CCSER1: variants seen among roughly 807,000 people sequenced by gnomAD.
The protein encoded by CCSER1 is serine-rich coiled-coil domain-containing protein 1.
In CCSER1, 41 loss-of-function variants were observed where a neutral mutation model predicts 82.0. The observed-to-expected ratio is 0.50, with a 90% CI of 0.39 to 0.65. The LOEUF (loss-of-function observed/expected upper bound fraction) is 0.65. CCSER1 is among the 30% of genes least tolerant of loss of function. The pLI is 0.00. For missense variants in CCSER1, 1,119 were observed against 1,064.2 expected (o/e 1.05, Z -0.72); for synonymous variants, 414 against 383.9 (o/e 1.08, Z -0.92).
chr4:90,480,780 G>A (rs1287892912), intron 5 of CCSER1, among the ~76,000 whole-genome samples: 1 of 152,154 alleles, frequency 6.6e-6, no homozygotes, highest in Non-Finnish European at 1.5e-5. Context: ...GGTTACTGTA[G>A]CCTTGTAGTA....
At chr4:90,566,875 T>A (rs1390383811) in intron 5 of CCSER1, among the ~76,000 whole-genome samples, 1 of 152,008 alleles carries the variant, frequency 6.6e-6, no homozygotes, top group Non-Finnish European at 1.5e-5. Flanking sequence ...GTGCTGGGAT[T>A]ACAGGCATGA....
chr4:90,252,868 T>C (rs976852773), intron 1 of CCSER1, among the ~76,000 whole-genome samples: 1 of 152,144 alleles, frequency 6.6e-6, no homozygotes, highest in East Asian at 1.9e-4. Context: ...GATATTAATA[T>C]AGCCATTTTT....
At chr4:91,158,637 TGTG>T (rs1272810959) in intron 10 of CCSER1, among the ~76,000 whole-genome samples, 2 of 151,858 alleles carry the variant, frequency 1.3e-5, no homozygotes, top group African/African-American at 4.8e-5. Context: ...TGTGTGTGTG[TGTG>T]TGTGTGTCTC....
chr4:91,172,353 T>A (rs1227667915), intron 10 of CCSER1, among the ~76,000 whole-genome samples: 1 of 152,154 alleles, frequency 6.6e-6, no homozygotes, highest in Non-Finnish European at 1.5e-5. Flanking sequence ...CTTCATGGAA[T>A]TTTTCATGTG....
intron 1 of CCSER1, among the ~76,000 whole-genome samples, chr4:90,299,125 C>T (rs77287083): frequency 0.032 from 4,816 of 152,128 alleles, 245 homozygotes; most frequent in African/African-American, 0.1. Flanking sequence ...TTAATCCAAA[C>T]GACTCATCTG....
At chr4:90,471,599 C>T (rs2153590807) in intron 5 of CCSER1, among the ~76,000 whole-genome samples, 1 of 151,400 alleles carries the variant, frequency 6.6e-6, no homozygotes, top group East Asian at 1.9e-4. Context: ...GTTAAATAGC[C>T]ACATCAACTG....
At chr4:90,592,700 C>CT (rs200435096) in intron 5 of CCSER1, among the ~76,000 whole-genome samples, 1,905 of 151,942 alleles carry the variant, frequency 0.013, 41 homozygotes, top group African/African-American at 0.044. Context: ...TATTAGCTTT[C>CT]TTTTTTTTCA....
chr4:91,365,759 T>C (rs1749569997), intron 10 of CCSER1, among the ~76,000 whole-genome samples: 2 of 152,280 alleles, frequency 1.3e-5, no homozygotes, highest in Non-Finnish European at 2.9e-5. Context: ...AGTGGCGTGG[T>C]CAGAGGGAGA....
intron 1 of CCSER1, among the ~76,000 whole-genome samples, chr4:90,225,122 G>A (rs1459165686): frequency 6.6e-6 from 1 of 151,396 alleles, no homozygotes; most frequent in Non-Finnish European, 1.5e-5. Flanking sequence ...GGAGTGCAGT[G>A]GCACCATCAT....
At chr4:91,081,098 A>G (rs954198122) in intron 9 of CCSER1, among the ~76,000 whole-genome samples, 2 of 152,190 alleles carry the variant, frequency 1.3e-5, no homozygotes, top group South Asian at 2.1e-4. Flanking sequence ...TGGCAGAGAC[A>G]CAACAAAAAA....
chr4:90,668,399 A>G (rs1267671371), intron 6 of CCSER1, among the ~76,000 whole-genome samples: 1 of 152,190 alleles, frequency 6.6e-6, no homozygotes, highest in Non-Finnish European at 1.5e-5. Context: ...TAAGAAAAAG[A>G]GCCATCTTTT....
At chr4:91,379,006 A>G (rs1750660204) in intron 10 of CCSER1, among the ~76,000 whole-genome samples, 1 of 152,190 alleles carries the variant, frequency 6.6e-6, no homozygotes. Context: ...CTATTGAGAT[A>G]ATCAAGTGGT....
intron 8 of CCSER1, among the ~76,000 whole-genome samples, chr4:90,907,327 G>T (rs548529846): frequency 1.3e-5 from 2 of 152,094 alleles, no homozygotes; most frequent in African/African-American, 2.4e-5. Context: ...GAGAGCCCCT[G>T]ACAAATAGAA....
intron 3 of CCSER1, among the ~76,000 whole-genome samples, chr4:90,396,490 C>G (rs1160277405): frequency 6.6e-6 from 1 of 152,132 alleles, no homozygotes; most frequent in Non-Finnish European, 1.5e-5. Context: ...CATATATAAA[C>G]TGTAAAACCA....
chr4:91,264,686 T>C (rs1741440482), intron 10 of CCSER1, among the ~76,000 whole-genome samples: 4 of 152,040 alleles, frequency 2.6e-5, no homozygotes, highest in Admixed American at 1.3e-4. Context: ...GTTTAAGGCA[T>C]TCCATCCAAG....
At chr4:90,285,951 A>G (rs1452482921) in intron 1 of CCSER1, among the ~76,000 whole-genome samples, 2 of 152,000 alleles carry the variant, frequency 1.3e-5, no homozygotes, top group African/African-American at 2.4e-5. Context: ...TGAGTTGAGT[A>G]TATTGAAGCA....
At chr4:90,924,593 A>G (rs778063062) in intron 9 of CCSER1, among the ~76,000 whole-genome samples, 29 of 152,240 alleles carry the variant, frequency 1.9e-4, no homozygotes, top group South Asian at 6.2e-4. Flanking sequence ...ATGTTACTTA[A>G]ATTATGTTGA....
At chr4:90,963,318 T>C (rs1023323828) in intron 9 of CCSER1, among the ~76,000 whole-genome samples, 2 of 152,168 alleles carry the variant, frequency 1.3e-5, no homozygotes, top group African/African-American at 4.8e-5. Context: ...GCAGAGTCTA[T>C]GAATTATGAA....
intron 8 of CCSER1, among the ~76,000 whole-genome samples, chr4:90,837,731 A>G (rs1368605028): frequency 1.3e-5 from 2 of 152,164 alleles, no homozygotes; most frequent in Non-Finnish European, 2.9e-5. Flanking sequence ...ACTAAAATTG[A>G]GATGCCCATG....
Sources: allele counts gnomAD v4.1 joint callset (sites outside exome capture counted in the v4.1 genomes callset), GRCh38; gene constraint gnomAD v4.1.1; transcripts MANE v1.5; gene names NCBI Gene and HGNC (gene_info 2026-07-23, HGNC 2026-07-21).